Variants in ERO1B observed in about 807,000 individuals in gnomAD.
ERO1B encodes the protein endoplasmic reticulum oxidoreductase 1 beta.
ERO1B carries 49 observed loss-of-function variants against 75.3 expected under a neutral mutation model. The ratio of observed to expected loss-of-function variants is 0.65; its 90% CI spans 0.52 to 0.83. ERO1B has a LOEUF of 0.83. Ranked by LOEUF, ERO1B falls within the 40% of genes least tolerant of loss-of-function variation. The probability of loss-of-function intolerance (pLI) is 0.00; values close to 1 mark genes in which losing one functional copy is unlikely to be tolerated. For synonymous variants in ERO1B, 191 were observed against 192.9 expected (o/e 0.99, Z 0.08); for missense variants, 512 against 560.1 (o/e 0.91, Z 0.87).
In ERO1B at chr1:236,232,777, T is replaced by A. The variant is rs1255929653; in HGVS notation, c.685+51A>T. 1.9e-6 allele frequency: 3 copies of A among 1,555,930 alleles called. No homozygotes were observed. The South Asian group carries it at 3.7e-5, about 19-fold the overall frequency. ...AAAGGAAAAATCAAATTCTGATTGT[T>A]ACAAAAAATTTCCTCCACACTTGAA... is the stretch of plus-strand genomic sequence containing the variant. On this transcript the variant is annotated intron_variant, in intron 9 of 15. Transcript: ENST00000354619.
chr1:236,229,508 C>T (rs930646591), intron 10 of ERO1B, among the ~76,000 whole-genome samples: 2 of 151,822 alleles, frequency 1.3e-5, no homozygotes, highest in Non-Finnish European at 2.9e-5. Flanking sequence ...CTGTAGTATT[C>T]CTATAAGGTT....
At chr1:236,242,906 AG>A (rs1664747337) in intron 6 of ERO1B, among the ~76,000 whole-genome samples, 1 of 152,148 alleles carries the variant, frequency 6.6e-6, no homozygotes, top group Non-Finnish European at 1.5e-5. Flanking sequence ...TCTTGGAAAA[AG>A]GGCTGTGGAG....
chr1:236,235,983 G>A, intron 7 of ERO1B, 148 bp from the exon 8 acceptor site: 1 of 726,344 alleles, frequency 1.4e-6, no homozygotes, highest in South Asian at 2.0e-5. Context: ...GGAGTACAGT[G>A]GCGCAATCTC....
intron 6 of ERO1B, among the ~76,000 whole-genome samples, chr1:236,238,519 CAGCCTTTTTTTTTTTTTTTTTAAAAAA>C (rs1352029809): frequency 8.9e-6 from 1 of 112,288 alleles, no homozygotes; most frequent in African/African-American, 3.1e-5. Context: ...CCCTGGGCAA[CAGCCTTTTTTTTTTTTTTTTTAAAAAA>C]AAAAAGAAAG....
chr1:236,268,598 A>G (rs540599536), intron 2 of ERO1B, among the ~76,000 whole-genome samples: 2 of 152,340 alleles, frequency 1.3e-5, no homozygotes, highest in South Asian at 4.1e-4. Flanking sequence ...AAAAAAAGCA[A>G]AAACAAGGCC....
At chr1:236,227,443 TTC>T (rs1429902740) in intron 10 of ERO1B, among the ~76,000 whole-genome samples, 1 of 152,216 alleles carries the variant, frequency 6.6e-6, no homozygotes, top group African/African-American at 2.4e-5. Flanking sequence ...TTAAAAGATT[TTC>T]TCTCATAATA....
Position 236,216,763 on chromosome 1 carries a change from A to G in ERO1B, c.*1753T>C, listed in dbSNP as rs376995430. The G allele has an allele frequency of 2.6e-5, 4 of 152,226 alleles. No homozygotes were observed. In the East Asian group the frequency reaches 7.7e-4, roughly 29 times the overall value. The allele number at this position is 152,226 out of a possible 1,614,324, so 9.4% of individuals were successfully genotyped here. A position where few individuals can be genotyped will look rare whatever the true frequency, so the allele number is the denominator to read the frequency against. ...GATAAACAAAGTGCAGATTTTTCACATCTTAAACTCTGAGTGAATACTAAG... is the reference window on the plus strand; with the variant it reads ...GATAAACAAAGTGCAGATTTTTCACGTCTTAAACTCTGAGTGAATACTAAG... On this transcript the variant is annotated 3_prime_UTR_variant, in exon 16 of 16. Transcript: ENST00000354619.
chr1:236,221,468 T>G (rs1433842049), intron 14 of ERO1B, among the ~76,000 whole-genome samples: 1 of 152,242 alleles, frequency 6.6e-6, no homozygotes, highest in Non-Finnish European at 1.5e-5. Flanking sequence ...AACAATCCTT[T>G]TGACACTGGC....
intron 6 of ERO1B, among the ~76,000 whole-genome samples, chr1:236,240,714 A>G (rs1360818863): frequency 6.6e-6 from 1 of 152,222 alleles, no homozygotes; most frequent in African/African-American, 2.4e-5. Flanking sequence ...TCTAGGCACT[A>G]GGGATACATT....
chr1:236,231,405 T>C (rs1450856388), intron 9 of ERO1B, among the ~76,000 whole-genome samples: 1 of 152,030 alleles, frequency 6.6e-6, no homozygotes, highest in African/African-American at 2.4e-5. Flanking sequence ...TTGCTGCGAT[T>C]TTAAGTGTTT....
chr1:236,220,737 C>A, intron 15 of ERO1B, 95 bp downstream of exon 15: 2 of 1,320,700 alleles, frequency 1.5e-6, no homozygotes, highest in Admixed American at 5.7e-5. Context: ...TTTTTGTCAA[C>A]AAAACAAACC....
intron 2 of ERO1B, among the ~76,000 whole-genome samples, chr1:236,268,426 C>G (rs10924901): frequency 6.7e-6 from 1 of 148,882 alleles, no homozygotes; most frequent in East Asian, 2.0e-4. Flanking sequence ...GGCGACAGAG[C>G]GAGACCCTGT....
intron 1 of ERO1B, among the ~76,000 whole-genome samples, chr1:236,276,515 T>C (rs1002285423): frequency 6.6e-6 from 1 of 152,116 alleles, no homozygotes; most frequent in Non-Finnish European, 1.5e-5. Context: ...TAAAAATTAT[T>C]TCAAGGAGAG....
intron 3 of ERO1B, among the ~76,000 whole-genome samples, chr1:236,252,596 G>C (rs1405635): frequency 0.25 from 37,738 of 152,096 alleles, 4,866 homozygotes; most frequent in East Asian, 0.38. Flanking sequence ...AATGGGAGAA[G>C]TGCATGTAGC....
chr1:236,222,831 C>T lies in ERO1B; in HGVS notation c.1123-821G>A, dbSNP rs1405621. Among the ~76,000 whole-genome samples the T allele has an allele frequency of 3.9e-4, 60 of 152,296 alleles. 2 individuals carry two copies. The South Asian group carries it at 0.012, about 31-fold the overall frequency. On this transcript the variant is annotated intron_variant, in intron 13 of 15. Coordinates refer to ENST00000354619, the MANE Select transcript of ERO1B (RefSeq NM_019891.4). The stretch of plus-strand genomic sequence containing the variant: ...TGAATGATAACAGGCCTGTGTGACA[C>T]ATATGGTCCCACAGTCCTCTACATT...
intron 10 of ERO1B, among the ~76,000 whole-genome samples, chr1:236,229,494 T>A (rs1451284537): frequency 1.3e-5 from 2 of 152,218 alleles, no homozygotes; most frequent in Non-Finnish European, 2.9e-5. Context: ...GAATTAGTTT[T>A]ACTCTGTAGT....
intron 10 of ERO1B, among the ~76,000 whole-genome samples, chr1:236,226,947 A>C (rs1467678336): frequency 6.6e-6 from 1 of 152,184 alleles, no homozygotes; most frequent in Non-Finnish European, 1.5e-5. Flanking sequence ...ATATGATGAG[A>C]ACTTAATGCT....
rs1222197602 is a variant in ERO1B at position 236,281,685 on chromosome 1, C to A, written c.99G>T (p.Ala33=). 8 of 1,477,312 alleles carry A rather than the reference C, an allele frequency of 5.4e-6. No individual in the cohort carries two copies. Among genetic ancestry groups the A allele is most frequent in the Non-Finnish European group, 7.2e-6 (8 of 1,112,164 alleles). 91.5% of individuals were successfully genotyped at this position (1,477,312 alleles called of 1,614,324 possible). A position where few individuals can be genotyped will look rare whatever the true frequency, so the allele number is the denominator to read the frequency against. ...TLSFLRSVVE[A]QVTGVLDDCL... ...GCCCGCTATCACTCGGGCTTACCTG[C>A]GCCTCGACGACGCTCCGCAGGAAGC... Residue 33 remains alanine (A), a synonymous_variant, in exon 1 of 16, where the codon GCG becomes GCT. Transcript: ENST00000354619.
rs367600444 is a variant in ERO1B at position 236,225,186 on chromosome 1, G to A, written c.1053-47C>T. On this transcript the variant is annotated intron_variant, in intron 12 of 15. Coordinates refer to ENST00000354619, the MANE Select transcript of ERO1B (RefSeq NM_019891.4). ...ATTAAGTTACACATGAAAAATCCACGTACTCTGTATCAGAAACCTGATAAA... is the reference window on the plus strand; with the variant it reads ...ATTAAGTTACACATGAAAAATCCACATACTCTGTATCAGAAACCTGATAAA... 3.0e-5 allele frequency: 46 copies of A among 1,548,674 alleles called. No individual in the cohort carries two copies. In the East Asian group the frequency reaches 6.1e-4, roughly 20 times the overall value.
Sources: allele counts gnomAD v4.1 joint callset (sites outside exome capture counted in the v4.1 genomes callset), GRCh38; gene constraint gnomAD v4.1.1; transcripts MANE v1.5; gene names NCBI Gene and HGNC (gene_info 2026-07-23, HGNC 2026-07-21).